DST: variants seen among roughly 807,000 people sequenced by gnomAD.
DST encodes dystonin.
DST carries 253 observed loss-of-function variants against 875.2 expected under a neutral mutation model. The observed-to-expected ratio is 0.29, with a 90% CI of 0.26 to 0.32. The LOEUF is 0.32. DST is among the 10% of genes least tolerant of loss of function. The pLI, the probability that DST is intolerant of heterozygous loss-of-function variation, is 1.00. For missense variants in DST, 8,287 were observed against 9,111.6 expected (o/e 0.91, Z 3.68); for synonymous variants, 3,124 against 3,197.1 (o/e 0.98, Z 0.77).
rs369767468 is a variant in DST, at chr6:56,619,748, T to C, written c.4929+4782A>G. The C allele has an allele frequency of 3.7e-6, 6 of 1,614,206 alleles. No individual in the cohort carries two copies. In the East Asian group the frequency reaches 1.3e-4, roughly 36 times the overall value. On this transcript the variant is annotated intron_variant, in intron 36 of 103. Transcript: ENST00000680361. ...TTGTTGAGAATACCCTTTCTCCGCC[T>C]GATCCTTCCTTTCCAGCTCCAACTT... is the stretch of plus-strand genomic sequence containing the variant.
At chr6:56,740,811 CAG>C (rs2099544130) in intron 4 of DST, among the ~76,000 whole-genome samples, 1 of 151,856 alleles carries the variant, frequency 6.6e-6, no homozygotes, top group Non-Finnish European at 1.5e-5. Flanking sequence ...AAAAAGAAAA[CAG>C]AGTAAATGAA....
At chr6:56,937,102 A>G (rs1813394938) in intron 2 of DST, among the ~76,000 whole-genome samples, 1 of 152,162 alleles carries the variant, frequency 6.6e-6, no homozygotes, top group Non-Finnish European at 1.5e-5. Context: ...AACTTATTTT[A>G]TTATCTTGGA....
intron 44 of DST, among the ~76,000 whole-genome samples, chr6:56,601,042 A>G (rs1335385877): frequency 2.0e-5 from 3 of 152,026 alleles, no homozygotes; most frequent in African/African-American, 7.2e-5. Flanking sequence ...TGCAGCTGGG[A>G]TGTGAAATCA....
intron 85 of DST, among the ~76,000 whole-genome samples, chr6:56,490,829 A>C (rs1005554264): frequency 6.6e-6 from 1 of 152,224 alleles, no homozygotes; most frequent in African/African-American, 2.4e-5. Flanking sequence ...TTCTGCTTTC[A>C]AAACTATTTT....
intron 13 of DST, among the ~76,000 whole-genome samples, chr6:56,647,688 G>GTTGTTTTTTTTTTTTTTTTTTTTTTTTTT (rs1491402943): frequency 2.4e-5 from 3 of 126,884 alleles, no homozygotes; most frequent in Admixed American, 7.5e-5. Flanking sequence ...TTTTTGTAAT[G>GTTGTTTTTTTTTTTTTTTTTTTTTTTTTT]TTTTTTTTTT....
At chr6:56,903,782 G>C (rs567014076) in intron 2 of DST, among the ~76,000 whole-genome samples, 9 of 152,242 alleles carry the variant, frequency 5.9e-5, no homozygotes, top group African/African-American at 2.2e-4. Flanking sequence ...ACTTAAATCA[G>C]TCTTTCCTAA....
intron 100 of DST, 58 bp from the exon 101 acceptor site, chr6:56,463,822 CA>C: frequency 6.4e-7 from 1 of 1,573,032 alleles, no homozygotes; most frequent in East Asian, 2.2e-5. Context: ...AAGAGGCGCT[CA>C]ATCGTTAATG....
rs780962974 is a variant in DST, at chr6:56,569,960, C to A, written c.13774G>T (p.Val4592Phe). ...TTTATCCATGACTTCAATGATTTAA[C>A]AAGAACTTGGAAAGCATCCAACTGT... ...QEQLDAFQVL[V>F]KSLKSWIKET... The change falls in exon 54 of 104, where the codon GTT (valine) becomes TTT (phenylalanine). Residue 4592 changes from valine to phenylalanine, a missense_variant. Physicochemically the swap from Val to Phe is conservative, Grantham distance 50 (BLOSUM62 -1). Around this residue, in one of 10 missense-constraint regions of DST, gnomAD observed 1,513 missense variants for 1,677.8 expected, o/e 0.90. Transcript: ENST00000680361. 1.9e-6 allele frequency: 3 copies of A among 1,608,610 alleles called. No homozygotes were observed. Among genetic ancestry groups the A allele is most frequent in the East Asian group, 4.5e-5 (2 of 44,704 alleles).
intron 94 of DST, among the ~76,000 whole-genome samples, chr6:56,471,558 T>C (rs1260951904): frequency 6.6e-6 from 1 of 152,188 alleles, no homozygotes; most frequent in African/African-American, 2.4e-5. Flanking sequence ...CCACTAGTCA[T>C]GCTCACTGGG....
chr6:56,674,203 G>T (rs2099116917), intron 9 of DST, among the ~76,000 whole-genome samples: 3 of 152,132 alleles, frequency 2.0e-5, no homozygotes, highest in Admixed American at 6.5e-5. Context: ...ATCAGAGAGG[G>T]TTTCAATTCA....
intron 5 of DST, among the ~76,000 whole-genome samples, chr6:56,721,373 G>C (rs1464510575): frequency 2.0e-5 from 3 of 152,272 alleles, no homozygotes; most frequent in African/African-American, 4.8e-5. Context: ...AGAGATTAAA[G>C]TAAAGACAGG....
intron 81 of DST, 66 bp from the exon 82 acceptor site, chr6:56,497,573 T>G: frequency 6.4e-7 from 1 of 1,566,784 alleles, no homozygotes; most frequent in East Asian, 2.3e-5. Flanking sequence ...GAAATAAGCT[T>G]CAAACAATCC....
intron 4 of DST, among the ~76,000 whole-genome samples, chr6:56,793,899 C>T (rs922428912): frequency 1.2e-4 from 18 of 152,084 alleles, no homozygotes; most frequent in African/African-American, 4.1e-4. Context: ...TATGTGACAT[C>T]GCTGAGGTAT....
chr6:56,785,006 G>C (rs1173786503), intron 4 of DST, among the ~76,000 whole-genome samples: 1 of 152,210 alleles, frequency 6.6e-6, no homozygotes, highest in African/African-American at 2.4e-5. Context: ...GACCCTGTTT[G>C]CCTGGGTATC....
Position 56,670,722 on chromosome 6 carries a change from C to T in DST, c.1133G>A (p.Gly378Asp). 6.2e-7 allele frequency: 1 copy of T among 1,610,488 alleles called. No homozygotes were observed. Among genetic ancestry groups the T allele is most frequent in the East Asian group, 2.2e-5 (1 of 44,786 alleles). Residue 378 changes from glycine to aspartate, a missense_variant, in exon 10 of 104, where the codon GGT (glycine) becomes GAT (aspartate). Transcript: ENST00000680361. ...ATTTTCACACCGAATTCCAGCATAA[C>T]CCTCTGTTGCCTGCTGCGTCCAGAG... is the stretch of plus-strand genomic sequence containing the variant. ...LLLWTQQATEGYAGIRCENFT... is the reference protein window; with the variant it reads ...LLLWTQQATEDYAGIRCENFT...
chr6:56,844,807 G>C (rs1393639274), intron 4 of DST, among the ~76,000 whole-genome samples: 4 of 151,606 alleles, frequency 2.6e-5, no homozygotes, highest in Admixed American at 2.0e-4. Flanking sequence ...GGGAGGTGGA[G>C]GTTGCAGTGA....
chr6:56,920,066 A>C (rs1354909155), intron 2 of DST, among the ~76,000 whole-genome samples: 1 of 152,236 alleles, frequency 6.6e-6, no homozygotes, highest in Non-Finnish European at 1.5e-5. Flanking sequence ...AAAAACAACA[A>C]ATATATAGAC....
chr6:56,918,782 A>G (rs1802614465), intron 2 of DST, among the ~76,000 whole-genome samples: 1 of 152,148 alleles, frequency 6.6e-6, no homozygotes, highest in Non-Finnish European at 1.5e-5. Flanking sequence ...AATCCCAGCT[A>G]CTTGGGAGAC....
chr6:56,740,449 A>G (rs1255363588), intron 4 of DST, among the ~76,000 whole-genome samples: 1 of 152,210 alleles, frequency 6.6e-6, no homozygotes. Flanking sequence ...AACCTCATCC[A>G]GGGCAGTCAG....
Sources: allele counts gnomAD v4.1 joint callset (sites outside exome capture counted in the v4.1 genomes callset), GRCh38; gene constraint gnomAD v4.1.1; regional missense constraint gnomAD v4.1.1; transcripts MANE v1.5; gene names NCBI Gene and HGNC (gene_info 2026-07-23, HGNC 2026-07-21).